The following DISP3 variants were observed in gnomAD, a reference collection of about 807,000 sequenced individuals.
DISP3 encodes dispatched RND transporter family member 3.
Under a neutral mutation model 135.3 loss-of-function variants are expected in DISP3, and 101 were observed. The ratio of observed to expected loss-of-function variants is 0.75; its 90% CI spans 0.64 to 0.88. The LOEUF (loss-of-function observed/expected upper bound fraction) is 0.88, where lower values mean the gene tolerates loss of function less well. Among genes scored for constraint, DISP3 ranks in the 40% least tolerant of loss-of-function variants. DISP3 has a pLI of 0.00. For synonymous variants in DISP3, 856 were observed against 817.0 expected (o/e 1.05, Z -0.81); for missense variants, 1,713 against 1,878.6 (o/e 0.91, Z 1.63).
In DISP3 at chr1:11,499,285, A is replaced by C. The variant is rs1397558394; in HGVS notation, c.-3-1705A>C. 1.3e-5 allele frequency among the ~76,000 whole-genome samples: 2 copies of C among 152,132 alleles called. No homozygotes were observed. The highest frequency in any genetic ancestry group is 2.9e-5 in the Non-Finnish European group (2 of 68,020). ...AGGCACGGGCAGGATGGATGGGTTT[A>C]GTTCCCAGAAAACTGCAAACACGGC... is the stretch of plus-strand genomic sequence containing the variant. On this transcript the variant is annotated intron_variant, in intron 1 of 20. Coordinates refer to ENST00000294484, the MANE Select transcript of DISP3 (RefSeq NM_020780.2). The surrounding 1 kb of genome is among the most constrained non-coding windows in gnomAD (Gnocchi z 5.2).
rs1352520440 is a variant in DISP3, at chr1:11,531,864, T to C, written c.3375+154T>C. ...AGGTCACATAGTTAGTGGGTGTCAG[T>C]GTCGAGTGTGAAACCAGACCGCCTA... On this transcript the variant is annotated intron_variant, in intron 17 of 20. Coordinates refer to ENST00000294484, the MANE Select transcript of DISP3 (RefSeq NM_020780.2). This position sits in a 1 kb window ranked among gnomAD's most constrained non-coding sequence, Gnocchi z 5.2. Among the ~76,000 whole-genome samples the C allele has an allele frequency of 6.6e-6, 1 of 152,208 alleles. No homozygotes were observed. Among genetic ancestry groups the C allele is most frequent in the African/African-American group, 2.4e-5 (1 of 41,448 alleles).
In DISP3 at chr1:11,517,477, C is replaced by T. The variant is rs764208868; in HGVS notation, c.1764C>T (p.His588=). The T allele has an allele frequency of 1.2e-5, 20 of 1,614,202 alleles. No homozygotes were observed. The highest frequency in any genetic ancestry group is 2.7e-5 in the African/African-American group (2 of 75,070). ...ANVFSQIPAV[H]DFGLFMSLIV... is the part of the protein sequence containing the mutation. Reference sequence around the variant, plus strand: ...TCCATCACCAGATCCCAGCCGTCCACGACTTTGGCCTGTTCATGTCTCTCA... The same window carrying T: ...TCCATCACCAGATCCCAGCCGTCCATGACTTTGGCCTGTTCATGTCTCTCA... The change falls in exon 7 of 21, where the codon CAC becomes CAT. Residue 588 remains histidine, a synonymous_variant. Transcript: ENST00000294484.
chr1:11,508,801 T>C (rs538789762), intron 3 of DISP3, among the ~76,000 whole-genome samples: 1 of 152,286 alleles, frequency 6.6e-6, no homozygotes, highest in African/African-American at 2.4e-5. Flanking sequence ...CCAATTACAC[T>C]CTTATTTTAA....
At chr1:11,487,767 C>T (rs150580111) in intron 1 of DISP3, among the ~76,000 whole-genome samples, 1 of 152,304 alleles carries the variant, frequency 6.6e-6, no homozygotes, top group Non-Finnish European at 1.5e-5. Context: ...TCTGCAGGAC[C>T]CTCTGGTCTT....
At chr1:11,503,559 T>C (rs978544663) in intron 3 of DISP3, among the ~76,000 whole-genome samples, 11 of 152,106 alleles carry the variant, frequency 7.2e-5, no homozygotes, top group African/African-American at 2.7e-4. Flanking sequence ...GAGAAGAGTG[T>C]CCCAGCTCCA....
In DISP3 at chr1:11,526,815, CA is replaced by C; in HGVS notation, c.2780del (p.Lys927ArgfsTer66). On this transcript the variant is annotated frameshift_variant, in exon 13 of 21. Coordinates refer to ENST00000294484, the MANE Select transcript of DISP3 (RefSeq NM_020780.2). LOFTEE classifies it high-confidence loss of function. Reference protein sequence around the residue: ...KFDFSFYVATKEQQHTRKLYF... With the variant: ...KFDFSFYVATXEQQHTRKLYF... Reference sequence around the variant, plus strand: ...TTGACTTCAGCTTCTACGTGGCCACCAAGGAGCAGCAGCACACCCGGTAACA... The same window carrying C: ...TTGACTTCAGCTTCTACGTGGCCACCAGGAGCAGCAGCACACCCGGTAACA... 6.2e-7 allele frequency: 1 copy of C among 1,606,396 alleles called. No individual in the cohort carries two copies.
At chr1:11,522,658 C>G (rs112716269) in intron 10 of DISP3, among the ~76,000 whole-genome samples, 2,438 of 29,556 alleles carry the variant, frequency 0.082, 6 homozygotes, top group Middle Eastern at 0.15. Flanking sequence ...AGGGCCCAGC[C>G]AGAGCCCAGC....
At chr1:11,522,893 ACCCAGCCAG>A (rs1642279347) in intron 10 of DISP3, among the ~76,000 whole-genome samples, 1 of 40,120 alleles carries the variant, frequency 2.5e-5, no homozygotes, top group Non-Finnish European at 5.5e-5. Flanking sequence ...CCCAGCCAGG[ACCCAGCCAG>A]AGCCCAGCCA....
chr1:11,502,093 G>A lies in DISP3; in HGVS notation c.1096+5G>A. 1 of 1,542,200 alleles carries A rather than the reference G, an allele frequency of 6.5e-7. No homozygotes were observed. The highest frequency in any genetic ancestry group is 8.7e-7 in the Non-Finnish European group (1 of 1,145,348). On this transcript the variant is annotated splice_donor_5th_base_variant and intron_variant, in intron 2 of 20. Coordinates refer to ENST00000294484, the MANE Select transcript of DISP3 (RefSeq NM_020780.2). ...AGGACCTGGCGGACATCCGGGGTGA[G>A]CCGCCGGGATGCTGGGAGGGGGCGT...
intron 3 of DISP3, 113 bp from the exon 4 acceptor site, chr1:11,514,277 A>G: frequency 1.6e-6 from 2 of 1,271,932 alleles, no homozygotes; most frequent in African/African-American, 1.5e-5. Flanking sequence ...CAACCAAGGT[A>G]GAGTCACAGG....
chr1:11,534,770 C>T, intron 18 of DISP3: 1 of 761,214 alleles, frequency 1.3e-6, no homozygotes, highest in Non-Finnish European at 2.2e-6. Context: ...TAAAAAGTAA[C>T]AGTCATGACC....
chr1:11,503,131 C>T (rs866049985), intron 3 of DISP3, among the ~76,000 whole-genome samples: 4 of 152,272 alleles, frequency 2.6e-5, no homozygotes, highest in Middle Eastern at 3.4e-3. Context: ...GTAGGAAATC[C>T]TAGACTCTGC....
intron 1 of DISP3, among the ~76,000 whole-genome samples, chr1:11,497,015 G>A (rs2100391166): frequency 6.6e-6 from 1 of 152,302 alleles, no homozygotes; most frequent in South Asian, 2.1e-4. Context: ...AGACTGAGAA[G>A]GCAGGCACGG....
At chr1:11,487,834 G>A (rs941092786) in intron 1 of DISP3, among the ~76,000 whole-genome samples, 1 of 152,184 alleles carries the variant, frequency 6.6e-6, no homozygotes, top group African/African-American at 2.4e-5. Flanking sequence ...GCTGAAAGCG[G>A]ATGGAAGCTG....
intron 1 of DISP3, among the ~76,000 whole-genome samples, chr1:11,488,262 C>T (rs770589060): frequency 3.3e-5 from 5 of 152,124 alleles, no homozygotes; most frequent in Admixed American, 1.3e-4. Context: ...GCACCAGCCC[C>T]GGACTCCTGT....
In DISP3 at chr1:11,536,382, CCATCGTCTCCAGTGCCCTCACCACGGT is replaced by C. The variant is rs1442145497; in HGVS notation, c.3881_3907del (p.Val1294_Ile1302del). The C allele has an allele frequency of 6.2e-7, 1 of 1,610,122 alleles. No homozygotes were observed. Among genetic ancestry groups the C allele is most frequent in the East Asian group, 2.2e-5 (1 of 44,886 alleles). On this transcript the variant is annotated inframe_deletion, in exon 21 of 21. Coordinates refer to ENST00000294484, the MANE Select transcript of DISP3 (RefSeq NM_020780.2). The surrounding 1 kb of genome is among the most constrained non-coding windows in gnomAD (Gnocchi z 4.3). ...GAGGCCGTGCGGCACGTGGGCGTGG[CCATCGTCTCCAGTGCCCTCACCACGGT>C]CATCGCCACAGTGCCCCTCTTCTTC...
chr1:11,492,192 T>C (rs977261308), intron 1 of DISP3, among the ~76,000 whole-genome samples: 1 of 149,222 alleles, frequency 6.7e-6, no homozygotes, highest in African/African-American at 2.5e-5. Context: ...GGGAGCAGTA[T>C]CACCATCCCC....
intron 1 of DISP3, chr1:11,481,943 G>A (rs1640915180): frequency 6.6e-6 from 1 of 152,120 alleles, no homozygotes. Flanking sequence ...TCTTCATTGG[G>A]GCAGGCATTA....
rs5772457 is a variant in DISP3 at position 11,488,637 on chromosome 1, C to CTGTGTGTGTG, written c.-4+9287_-4+9296dup. ...ACCAGAACGGCTGAGGGCAGATGCT[C>CTGTGTGTGTG]TGTGTGTGTGTGTGTGTGTGTGTGT... On this transcript the variant is annotated intron_variant, in intron 1 of 20. Transcript: ENST00000294484. 1.5e-3 allele frequency among the ~76,000 whole-genome samples: 220 copies of CTGTGTGTGTG among 146,420 alleles called. 3 individuals are homozygous for CTGTGTGTGTG. The East Asian group carries it at 0.019, about 13-fold the overall frequency.
Sources: allele counts gnomAD v4.1 joint callset (sites outside exome capture counted in the v4.1 genomes callset), GRCh38; gene constraint gnomAD v4.1.1; non-coding constraint Gnocchi (gnomAD v3.1); transcripts MANE v1.5; gene names NCBI Gene and HGNC (gene_info 2026-07-23, HGNC 2026-07-21).